The following CADM2 variants were observed in gnomAD, a reference collection of about 807,000 sequenced individuals.
The protein encoded by CADM2 is immunoglobulin superfamily member 4D.
Under a neutral mutation model 49.8 loss-of-function variants are expected in CADM2, and 12 were observed. That is an observed-to-expected ratio of 0.24 (90% CI 0.15 to 0.39). The LOEUF is 0.39. CADM2 is among the 10% of genes least tolerant of loss of function. The pLI, the probability that CADM2 is intolerant of heterozygous loss-of-function variation, is 1.00. For missense variants in CADM2, 378 were observed against 492.3 expected (o/e 0.77, Z 2.20); for synonymous variants, 214 against 175.4 (o/e 1.22, Z -1.74).
chr3:86,032,833 T>A (rs1734711443), intron 8 of CADM2, among the ~76,000 whole-genome samples: 1 of 151,926 alleles, frequency 6.6e-6, no homozygotes, highest in South Asian at 2.1e-4. Flanking sequence ...ATGAAATAGA[T>A]AATTTTTTTC....
At chr3:85,153,389 A>T (rs996293694) in intron 1 of CADM2, among the ~76,000 whole-genome samples, 4 of 152,210 alleles carry the variant, frequency 2.6e-5, no homozygotes, top group Non-Finnish European at 5.9e-5. Context: ...GTCTTAAAAA[A>T]TGGCGCACCA....
chr3:85,197,468 T>A (rs1033291613), intron 1 of CADM2, among the ~76,000 whole-genome samples: 2 of 151,982 alleles, frequency 1.3e-5, no homozygotes, highest in Non-Finnish European at 2.9e-5. Context: ...AAATACACTA[T>A]CTGAGATATC....
chr3:85,054,246 T>G (rs2107417428), intron 1 of CADM2, among the ~76,000 whole-genome samples: 1 of 151,926 alleles, frequency 6.6e-6, no homozygotes, highest in African/African-American at 2.4e-5. Context: ...AGATGGTATT[T>G]AAAATAGGTG....
intron 1 of CADM2, among the ~76,000 whole-genome samples, chr3:85,429,511 C>CT (rs1042819022): frequency 6.6e-6 from 1 of 151,578 alleles, no homozygotes; most frequent in African/African-American, 2.4e-5. Context: ...GCCATGTTAA[C>CT]TTTTTTTTGA....
At chr3:85,161,961 A>G (rs1192061226) in intron 1 of CADM2, among the ~76,000 whole-genome samples, 1 of 152,114 alleles carries the variant, frequency 6.6e-6, no homozygotes, top group African/African-American at 2.4e-5. Context: ...GTGAGCTGAG[A>G]TCACATGACT....
intron 8 of CADM2, among the ~76,000 whole-genome samples, chr3:86,061,780 C>G (rs1738682836): frequency 6.6e-6 from 1 of 151,918 alleles, no homozygotes; most frequent in Admixed American, 6.6e-5. Context: ...GAAAAATGGG[C>G]AAATTGCATA....
chr3:85,243,526 A>C (rs1181022727), intron 1 of CADM2, among the ~76,000 whole-genome samples: 1 of 152,016 alleles, frequency 6.6e-6, no homozygotes, highest in Non-Finnish European at 1.5e-5. Flanking sequence ...ACTTGTCTGA[A>C]AGTAATAATA....
rs573226617 is a variant in CADM2 at position 85,788,421 on chromosome 3, A to G, written c.89-13626A>G. ...CCGTAATTTAACGAGTTAGAATCCA[A>G]ACATCTATGTAGCTATTTTACATAA... On this transcript the variant is annotated intron_variant, in intron 2 of 9. Transcript: ENST00000383699. 3.3e-5 allele frequency among the ~76,000 whole-genome samples: 5 copies of G among 152,226 alleles called. No individual in the cohort carries two copies. The East Asian group carries it at 9.6e-4, about 29-fold the overall frequency.
Position 85,802,156 on chromosome 3 carries a change from A to C in CADM2, c.198A>C (p.Ser66=), listed in dbSNP as rs762752343. ...DQNDNTSLQW[S]NPAQQTLYFD... is the part of the protein sequence containing the mutation. ...ATGATAACACCTCCCTCCAGTGGTCAAATCCAGCTCAACAGACTCTGTACT... is the reference window on the plus strand; with the variant it reads ...ATGATAACACCTCCCTCCAGTGGTCCAATCCAGCTCAACAGACTCTGTACT... The change falls in exon 3 of 10, where the codon TCA becomes TCC. Residue 66 remains serine, a synonymous_variant. Coordinates refer to ENST00000383699, the MANE Select transcript of CADM2 (RefSeq NM_001167675.2). The C allele has an allele frequency of 2.3e-5, 37 of 1,613,090 alleles. No individual in the cohort carries two copies. The Admixed American group carries it at 6.2e-4, about 27-fold the overall frequency.
At chr3:85,407,723 C>T (rs1162351814) in intron 1 of CADM2, among the ~76,000 whole-genome samples, 2 of 152,096 alleles carry the variant, frequency 1.3e-5, no homozygotes, top group African/African-American at 4.8e-5. Flanking sequence ...GGGCTCACAA[C>T]TGTAATCTCA....
intron 1 of CADM2, among the ~76,000 whole-genome samples, chr3:85,330,134 C>T (rs1279495460): frequency 1.3e-5 from 2 of 152,098 alleles, no homozygotes; most frequent in African/African-American, 2.4e-5. Flanking sequence ...TTCAAAGAAT[C>T]ACTGGAAATT....
intron 1 of CADM2, among the ~76,000 whole-genome samples, chr3:85,150,896 G>A (rs1194611326): frequency 4.0e-5 from 6 of 150,404 alleles, no homozygotes; most frequent in African/African-American, 4.9e-5. Context: ...GCGACAATGC[G>A]AGACGCTGTT....
chr3:86,025,626 T>C (rs906406245), intron 8 of CADM2, among the ~76,000 whole-genome samples: 1 of 152,158 alleles, frequency 6.6e-6, no homozygotes, highest in Non-Finnish European at 1.5e-5. Flanking sequence ...AGGTGGCGTA[T>C]AGTGAGATAA....
At chr3:85,082,706 T>C (rs1289164653) in intron 1 of CADM2, among the ~76,000 whole-genome samples, 1 of 152,116 alleles carries the variant, frequency 6.6e-6, no homozygotes, top group Non-Finnish European at 1.5e-5. Context: ...GGGGTCTTAT[T>C]GCAAGGGTGC....
At chr3:86,003,773 A>T (rs547434457) in intron 8 of CADM2, among the ~76,000 whole-genome samples, 186 of 152,220 alleles carry the variant, frequency 1.2e-3, no homozygotes, top group Non-Finnish European at 2.3e-3. Context: ...AACTCAAATG[A>T]CTCCTGGGAT....
chr3:85,337,415 T>G (rs1023070937), intron 1 of CADM2, among the ~76,000 whole-genome samples: 8 of 151,452 alleles, frequency 5.3e-5, no homozygotes, highest in Admixed American at 1.3e-4. Flanking sequence ...CATTGTAAAC[T>G]GGTGGTATAG....
chr3:85,369,493 G>T lies in CADM2; in HGVS notation c.62-357029G>T, dbSNP rs1337077781. On this transcript the variant is annotated intron_variant, in intron 1 of 9. Transcript: ENST00000383699. ...ACTGAAAATACAAAATTTCGGCTGG[G>T]CTCAGTGGCTCATGCCTGTAATCCC... 2.0e-5 allele frequency among the ~76,000 whole-genome samples: 3 copies of T among 152,292 alleles called. No homozygotes were observed. In the East Asian group the frequency reaches 5.8e-4, roughly 29 times the overall value.
chr3:85,573,388 C>CATGA (rs940383806), intron 1 of CADM2, among the ~76,000 whole-genome samples: 1 of 151,936 alleles, frequency 6.6e-6, no homozygotes, highest in Non-Finnish European at 1.5e-5. Context: ...AGACGGGTTT[C>CATGA]ACCATGCTGG....
chr3:85,766,653 C>G (rs116387442), intron 2 of CADM2, among the ~76,000 whole-genome samples: 1 of 152,120 alleles, frequency 6.6e-6, no homozygotes, highest in Non-Finnish European at 1.5e-5. Flanking sequence ...TAATTCTTTA[C>G]GTCAGTTTAG....
Sources: allele counts gnomAD v4.1 joint callset (sites outside exome capture counted in the v4.1 genomes callset), GRCh38; gene constraint gnomAD v4.1.1; transcripts MANE v1.5; gene names NCBI Gene and HGNC (gene_info 2026-07-23, HGNC 2026-07-21).